Variants in NELFCD observed in about 807,000 individuals in gnomAD.
NELFCD encodes negative elongation factor complex member C/D, also known as negative elongation factor C/D.
A neutral mutation model predicts 72.9 loss-of-function variants in NELFCD; 48 were observed. The ratio of observed to expected loss-of-function variants is 0.66; its 90% CI spans 0.52 to 0.84. The LOEUF is 0.84. NELFCD is among the 40% of genes least tolerant of loss of function. The pLI is 0.00. For missense variants in NELFCD, 538 were observed against 723.8 expected (o/e 0.74, Z 2.94); for synonymous variants, 297 against 280.6 (o/e 1.06, Z -0.59).
At position 58,991,338 on chromosome 20, in the gene NELFCD, G is replaced by A. The variant is rs764944950; in HGVS notation, c.981G>A (p.Leu327=). 3.9e-5 allele frequency: 63 copies of A among 1,614,074 alleles called. No individual in the cohort carries two copies. Among genetic ancestry groups the A allele is most frequent in the Non-Finnish European group, 5.1e-5 (60 of 1,180,042 alleles). Reference sequence around the variant, plus strand: ...TCCGCGTTCCAGCCTTCCTGGACCTGTTCATGCAGTCACTCTTTAAACCAG... The same window carrying A: ...TCCGCGTTCCAGCCTTCCTGGACCTATTCATGCAGTCACTCTTTAAACCAG... ...ELIRVPAFLD[L]FMQSLFKPGA... Residue 327 remains leucine, a synonymous_variant, in exon 9 of 15, where the codon CTG becomes CTA. Coordinates refer to ENST00000652272, the MANE Select transcript of NELFCD (RefSeq NM_198976.4).
At chr20:58,994,300 A>G in intron 14 of NELFCD, 61 bp downstream of exon 14, 1 of 1,571,634 alleles carries the variant, frequency 6.4e-7, no homozygotes, top group Non-Finnish European at 8.7e-7. Flanking sequence ...GCGGTGGCTC[A>G]TGCCTGTAAT....
chr20:58,981,294 C>A lies in NELFCD; in HGVS notation c.-16C>A, dbSNP rs866459616. The A allele has an allele frequency of 9.3e-7, 1 of 1,072,778 alleles. No homozygotes were observed. Among genetic ancestry groups the A allele is most frequent in the East Asian group, 6.4e-5 (1 of 15,658 alleles). 66.5% of individuals were successfully genotyped at this position (1,072,778 alleles called of 1,614,324 possible). On this transcript the variant is annotated 5_prime_UTR_variant, in exon 1 of 15. Transcript: ENST00000652272. ...GCTCGCGGGAGGGCATGGCGGGGGC[C>A]GTGCCGGGCGCCATCATGGACGAGG...
Position 58,993,991 on chromosome 20 carries a change from G to A in NELFCD, c.1582-119G>A, listed in dbSNP as rs1258415305. On this transcript the variant is annotated intron_variant, in intron 13 of 14. Coordinates refer to ENST00000652272, the MANE Select transcript of NELFCD (RefSeq NM_198976.4). The surrounding 1 kb of genome is among the most constrained non-coding windows in gnomAD (Gnocchi z 5.0). Reference sequence around the variant, plus strand: ...CATCTGAATGTTGGAGATGGGTGGTGTCACCGGCCGGTGGGGGTGGGGAGG... The same window carrying A: ...CATCTGAATGTTGGAGATGGGTGGTATCACCGGCCGGTGGGGGTGGGGAGG... 3.9e-6 allele frequency: 5 copies of A among 1,271,800 alleles called. No homozygotes were observed. The Admixed American group carries it at 7.5e-5, about 19-fold the overall frequency. 78.8% of individuals were successfully genotyped at this position (1,271,800 alleles called of 1,614,324 possible). A position where few individuals can be genotyped will look rare whatever the true frequency, so the allele number is the denominator to read the frequency against.
At chr20:58,982,444 C>T (rs1290612133) in intron 1 of NELFCD, among the ~76,000 whole-genome samples, 1 of 152,126 alleles carries the variant, frequency 6.6e-6, no homozygotes, top group Non-Finnish European at 1.5e-5. Flanking sequence ...AGGCGTGAGC[C>T]ACTGCTCGTG....
In NELFCD at chr20:58,986,793, G is replaced by T. The variant is rs1340723640; in HGVS notation, c.216G>T (p.Gln72His). ...GAGGGTCTCCAGAGAATGTTATCCA[G>T]CTCTTATCTGAAAACTACACCGCTG... ...QAGGSPENVI[Q>H]LLSENYTAVA... is the part of the protein sequence containing the mutation. The change falls in exon 3 of 15, where the codon CAG becomes CAT. Residue 72 changes from glutamine to histidine, a missense_variant. By Grantham distance (24) the Gln-to-His change is conservative. Coordinates refer to ENST00000652272, the MANE Select transcript of NELFCD (RefSeq NM_198976.4). This position sits in a 1 kb window ranked among gnomAD's most constrained non-coding sequence, Gnocchi z 4.4. 3 of 1,614,010 alleles carry T rather than the reference G, an allele frequency of 1.9e-6. No individual in the cohort carries two copies. The highest frequency in any genetic ancestry group is 2.5e-6 in the Non-Finnish European group (3 of 1,179,940).
Position 58,986,915 on chromosome 20 carries a change from A to G in NELFCD, c.286+52A>G. On this transcript the variant is annotated intron_variant, in intron 3 of 14. Transcript: ENST00000652272. This position sits in a 1 kb window ranked among gnomAD's most constrained non-coding sequence, Gnocchi z 4.4. ...GCTAGTTACCCCCACTTTTTTAAAAATAGACTTTTGGGTCCTTATAACACT... is the reference window on the plus strand; with the variant it reads ...GCTAGTTACCCCCACTTTTTTAAAAGTAGACTTTTGGGTCCTTATAACACT... 2 of 1,226,680 alleles carry G rather than the reference A, an allele frequency of 1.6e-6. No homozygotes were observed. Among genetic ancestry groups the G allele is most frequent in the Non-Finnish European group, 2.4e-6 (2 of 845,272 alleles). The allele number at this position is 1,226,680 out of a possible 1,614,324, so 76.0% of individuals were successfully genotyped here.
rs1380663650 is a variant in NELFCD, at chr20:58,993,612, C to T, written c.1441-12C>T. 6.2e-7 allele frequency: 1 copy of T among 1,614,218 alleles called. No homozygotes were observed. The highest frequency in any genetic ancestry group is 2.2e-5 in the East Asian group (1 of 44,880). ...CCTCTCTAACCAGCTCCCTGTCCCC[C>T]TTCTTCTGTAGCTTGAGTTGAAGAA... On this transcript the variant is annotated splice_polypyrimidine_tract_variant and intron_variant, in intron 12 of 14. Coordinates refer to ENST00000652272, the MANE Select transcript of NELFCD (RefSeq NM_198976.4). This position sits in a 1 kb window ranked among gnomAD's most constrained non-coding sequence, Gnocchi z 5.0.
chr20:58,992,057 T>G (rs371154760), intron 10 of NELFCD, 37 bp downstream of exon 10: 2 of 1,559,032 alleles, frequency 1.3e-6, no homozygotes, highest in African/African-American at 2.7e-5. Context: ...AATCAGTCCT[T>G]TGGGGAGGAG....
chr20:58,989,362 G>T, intron 5 of NELFCD, 126 bp from the exon 6 acceptor site: 2 of 1,102,526 alleles, frequency 1.8e-6, no homozygotes, highest in East Asian at 2.4e-5. Context: ...TGAGGGCGGA[G>T]TGAAGGCCTG....
intron 7 of NELFCD, 192 bp from the exon 8 acceptor site, chr20:58,990,718 T>G (rs2091809705): frequency 1.8e-6 from 1 of 550,088 alleles, no homozygotes; most frequent in African/African-American, 1.9e-5. Context: ...TGTGACTCCT[T>G]TCTTATAGAG....
At position 58,989,541 on chromosome 20, in the gene NELFCD, C is replaced by A; in HGVS notation, c.558C>A (p.Cys186Ter). ...AGATCACCAGTGTGTCCACAGCATG[C>A]CAGCAGCTAGAAGTGTTCTCGAGAG... ...QGEITSVSTA[C>*]QQLEVFSRVL... The change falls in exon 6 of 15, where the codon TGC becomes TGA. Residue 186 changes from cysteine to a stop codon, truncating the protein, a stop_gained. Coordinates refer to ENST00000652272, the MANE Select transcript of NELFCD (RefSeq NM_198976.4). LOFTEE classifies it high-confidence loss of function. 6.2e-7 allele frequency: 1 copy of A among 1,614,168 alleles called. No homozygotes were observed. The highest frequency in any genetic ancestry group is 8.5e-7 in the Non-Finnish European group (1 of 1,180,010).
At position 58,986,280 on chromosome 20, in the gene NELFCD, A is replaced by G; in HGVS notation, c.176+72A>G. 1.0e-6 allele frequency: 1 copy of G among 995,386 alleles called. No individual in the cohort carries two copies. The highest frequency in any genetic ancestry group is 1.3e-5 in the South Asian group (1 of 77,272). The allele number at this position is 995,386 out of a possible 1,614,324, so 61.7% of individuals were successfully genotyped here. On this transcript the variant is annotated intron_variant, in intron 2 of 14. Transcript: ENST00000652272. The surrounding 1 kb of genome is among the most constrained non-coding windows in gnomAD (Gnocchi z 4.4). ...AGAGAAAGTTTTGTAATACACCCAG[A>G]AGGTGCTATGTAAAGCAAGAGTAAC... is the stretch of plus-strand genomic sequence containing the variant.
chr20:58,993,830 A>C lies in NELFCD; in HGVS notation c.1581+66A>C. 19 of 1,531,372 alleles carry C rather than the reference A, an allele frequency of 1.2e-5. No individual in the cohort carries two copies. The highest frequency in any genetic ancestry group is 1.5e-5 in the Non-Finnish European group (17 of 1,118,386). 94.9% of individuals were successfully genotyped at this position (1,531,372 alleles called of 1,614,324 possible). ...CACTAGCACTGCCCTTTTTGGCTTA[A>C]TTTAGTTCATTTTGTACCTAACTGA... On this transcript the variant is annotated intron_variant, in intron 13 of 14. Coordinates refer to ENST00000652272, the MANE Select transcript of NELFCD (RefSeq NM_198976.4). This position sits in a 1 kb window ranked among gnomAD's most constrained non-coding sequence, Gnocchi z 5.0.
Position 58,995,023 on chromosome 20 carries a change from C to A in NELFCD, c.*347C>A. 4.0e-6 allele frequency: 1 copy of A among 249,980 alleles called. No individual in the cohort carries two copies. 15.5% of individuals were successfully genotyped at this position (249,980 alleles called of 1,614,324 possible). A position where few individuals can be genotyped will look rare whatever the true frequency, so the allele number is the denominator to read the frequency against. ...GGGGAACTCCTTTCCAAGCTGACCT[C>A]AGTTTTCTCACAAGAACCCAGTTAG... On this transcript the variant is annotated 3_prime_UTR_variant, in exon 15 of 15. Coordinates refer to ENST00000652272, the MANE Select transcript of NELFCD (RefSeq NM_198976.4).
In NELFCD at chr20:58,992,026, C is replaced by T. The variant is rs757534660; in HGVS notation, c.1229+6C>T. ...ACACTTTATCAGTGTATTAGGTAAGCAAAACGAAACTCAGTTCTTAAATCA... is the reference window on the plus strand; with the variant it reads ...ACACTTTATCAGTGTATTAGGTAAGTAAAACGAAACTCAGTTCTTAAATCA... On this transcript the variant is annotated splice_donor_region_variant and intron_variant, in intron 10 of 14. Transcript: ENST00000652272. 3 of 1,601,780 alleles carry T rather than the reference C, an allele frequency of 1.9e-6. No homozygotes were observed. Among genetic ancestry groups the T allele is most frequent in the South Asian group, 1.1e-5 (1 of 89,228 alleles).
In NELFCD at chr20:58,993,904, C is replaced by T; in HGVS notation, c.1581+140C>T. Reference sequence around the variant, plus strand: ...ATGACAATGACAGATACTCGTTTACCAAAAAGCACCTTCTGCCTGCAGCAG... The same window carrying T: ...ATGACAATGACAGATACTCGTTTACTAAAAAGCACCTTCTGCCTGCAGCAG... On this transcript the variant is annotated intron_variant, in intron 13 of 14. Transcript: ENST00000652272. The surrounding 1 kb of genome is among the most constrained non-coding windows in gnomAD (Gnocchi z 5.0). 1 of 1,136,434 alleles carries T rather than the reference C, an allele frequency of 8.8e-7. No individual in the cohort carries two copies. The highest frequency in any genetic ancestry group is 1.3e-6 in the Non-Finnish European group (1 of 787,428). The allele number at this position is 1,136,434 out of a possible 1,614,324, so 70.4% of individuals were successfully genotyped here.
At chr20:58,991,811 G>T in intron 9 of NELFCD, 70 bp from the exon 10 acceptor site, 1 of 1,556,702 alleles carries the variant, frequency 6.4e-7, no homozygotes, top group South Asian at 1.2e-5. Context: ...AGAAGTGGCC[G>T]ACACCAGAAC....
intron 10 of NELFCD, among the ~76,000 whole-genome samples, chr20:58,992,676 G>T (rs1034443699): frequency 6.6e-6 from 1 of 151,994 alleles, no homozygotes; most frequent in African/African-American, 2.4e-5. Context: ...CAAGAAAATA[G>T]TTTGAGCCCA....
At position 58,993,432 on chromosome 20, in the gene NELFCD, C is replaced by G. The variant is rs762303069; in HGVS notation, c.1345-17C>G. ...TGACCACACTGCTCAGCGAAGCTCCCTCTGGCCTGTTTGTAGATCAGCACC... is the reference window on the plus strand; with the variant it reads ...TGACCACACTGCTCAGCGAAGCTCCGTCTGGCCTGTTTGTAGATCAGCACC... On this transcript the variant is annotated splice_polypyrimidine_tract_variant and intron_variant, in intron 11 of 14. Transcript: ENST00000652272. This position sits in a 1 kb window ranked among gnomAD's most constrained non-coding sequence, Gnocchi z 5.0. 14 of 1,612,388 alleles carry G rather than the reference C, an allele frequency of 8.7e-6. 1 individual carries two copies. The East Asian group carries it at 2.9e-4, about 33-fold the overall frequency.
Sources: gnomAD v4.1 joint callset for allele counts (sites outside exome capture counted in the v4.1 genomes callset) on GRCh38, gnomAD v4.1.1 for gene constraint, Gnocchi (gnomAD v3.1) non-coding constraint, MANE v1.5 for transcripts, NCBI Gene and HGNC (gene_info 2026-07-23, HGNC 2026-07-21) for gene names.